The following RABGAP1L variants were observed in gnomAD, a reference collection of about 807,000 sequenced individuals.
RABGAP1L encodes RAB GTPase activating protein 1 like, also known as rab GTPase-activating protein 1-like.
RABGAP1L carries 63 observed loss-of-function variants against 137.7 expected under a neutral mutation model. That is an observed-to-expected ratio of 0.46 (90% CI 0.37 to 0.56). The LOEUF (loss-of-function observed/expected upper bound fraction) is 0.56, where lower values mean the gene tolerates loss of function less well. Ranked by LOEUF, RABGAP1L falls within the 20% of genes least tolerant of loss-of-function variation. RABGAP1L has a pLI of 0.00. For missense variants in RABGAP1L, 1,095 were observed against 1,244.0 expected, an observed-to-expected ratio of 0.88 and a Z score of 1.80; for synonymous variants, 431 against 433.7, an observed-to-expected ratio of 0.99 and a Z score of 0.08.
chr1:174,368,360 T>G (rs1337868358), intron 11 of RABGAP1L, among the ~76,000 whole-genome samples: 2 of 152,226 alleles, frequency 1.3e-5, no homozygotes, highest in African/African-American at 4.8e-5. Flanking sequence ...AGAATAAATT[T>G]GATCAAATGA....
At chr1:174,655,339 A>T (rs2148404328) in intron 14 of RABGAP1L, among the ~76,000 whole-genome samples, 1 of 152,264 alleles carries the variant, frequency 6.6e-6, no homozygotes, top group South Asian at 2.1e-4. Flanking sequence ...TTACTCTTTC[A>T]TTCACTTTCT....
At chr1:174,921,726 A>G (rs1661844964) in intron 19 of RABGAP1L, among the ~76,000 whole-genome samples, 1 of 152,202 alleles carries the variant, frequency 6.6e-6, no homozygotes, top group African/African-American at 2.4e-5. Flanking sequence ...TGTAGCATTT[A>G]CCTTCTGAAC....
intron 13 of RABGAP1L, among the ~76,000 whole-genome samples, chr1:174,484,814 T>C (rs1161311658): frequency 1.3e-5 from 2 of 152,190 alleles, no homozygotes; most frequent in East Asian, 3.8e-4. Flanking sequence ...TCTTTTTGCT[T>C]AGGATAACTT....
intron 11 of RABGAP1L, among the ~76,000 whole-genome samples, chr1:174,357,339 C>A (rs781039762): frequency 1.3e-5 from 2 of 152,182 alleles, no homozygotes; most frequent in Non-Finnish European, 2.9e-5. Flanking sequence ...GTACACAATT[C>A]TTTGTCTTTG....
At chr1:174,695,809 A>T (rs186116450) in intron 15 of RABGAP1L, among the ~76,000 whole-genome samples, 1 of 152,342 alleles carries the variant, frequency 6.6e-6, no homozygotes, top group African/African-American at 2.4e-5. Context: ...CTGAAGCCAT[A>T]TCTGCTTTAG....
chr1:174,664,732 TTC>T lies in RABGAP1L; in HGVS notation c.1825-18788_1825-18787del, dbSNP rs367805438. On this transcript the variant is annotated intron_variant, in intron 14 of 25. Transcript: ENST00000681986. Reference sequence around the variant, plus strand: ...CTCTCTTTCTTTCTTTCTTTCTGCTTTCTTTTTTTTTTTTTTTTTTTTTGACA... The same window carrying T: ...CTCTCTTTCTTTCTTTCTTTCTGCTTTTTTTTTTTTTTTTTTTTTTTGACA... Among the ~76,000 whole-genome samples, 138 of 112,584 alleles carry T rather than the reference TTC, an allele frequency of 1.2e-3. 20 individuals are homozygous for T. Among genetic ancestry groups the T allele is most frequent in the African/African-American group, 9.2e-3 (134 of 14,644 alleles). 73.9% of individuals were successfully genotyped at this position (112,584 alleles called of 152,430 possible). A position where few individuals can be genotyped will look rare whatever the true frequency, so the allele number is the denominator to read the frequency against.
At chr1:174,666,924 C>T (rs1676826587) in intron 14 of RABGAP1L, among the ~76,000 whole-genome samples, 2 of 150,168 alleles carry the variant, frequency 1.3e-5, no homozygotes, top group Non-Finnish European at 2.9e-5. Context: ...GAAACTCCTA[C>T]TGCCCTGTGA....
At chr1:174,295,948 C>T (rs952689257) in intron 10 of RABGAP1L, among the ~76,000 whole-genome samples, 1 of 152,152 alleles carries the variant, frequency 6.6e-6, no homozygotes, top group African/African-American at 2.4e-5. Flanking sequence ...TGATGAAAAG[C>T]AGTAGATGAA....
intron 10 of RABGAP1L, among the ~76,000 whole-genome samples, chr1:174,284,464 A>T (rs1313930878): frequency 1.3e-5 from 2 of 152,186 alleles, no homozygotes; most frequent in African/African-American, 4.8e-5. Flanking sequence ...ATGTGCAAGT[A>T]TGTGTGTATA....
intron 25 of RABGAP1L, among the ~76,000 whole-genome samples, chr1:174,989,285 T>A (rs895891665): frequency 4.6e-5 from 7 of 152,328 alleles, no homozygotes; most frequent in African/African-American, 1.7e-4. Context: ...TTCCCCATTA[T>A]CTTTCTCCAT....
At position 174,568,371 on chromosome 1, in the gene RABGAP1L, C is replaced by T. The variant is rs550433653; in HGVS notation, c.1711-69004C>T. Among the ~76,000 whole-genome samples, 8 of 152,104 alleles carry T rather than the reference C, an allele frequency of 5.3e-5. No individual in the cohort carries two copies. In the South Asian group the frequency reaches 1.0e-3, roughly 20 times the overall value. Reference sequence around the variant, plus strand: ...ATTTGGAGGGAACAAACATATAAACCGTATCAGGATAATAATGATAACATC... The same window carrying T: ...ATTTGGAGGGAACAAACATATAAACTGTATCAGGATAATAATGATAACATC... On this transcript the variant is annotated intron_variant, in intron 13 of 25. Transcript: ENST00000681986.
At chr1:174,683,223 TA>T (rs1678215187) in intron 14 of RABGAP1L, among the ~76,000 whole-genome samples, 2 of 152,106 alleles carry the variant, frequency 1.3e-5, no homozygotes, top group African/African-American at 4.8e-5. Context: ...TGTGGCCTCA[TA>T]CAGCTGATCT....
At chr1:174,492,174 TA>T (rs1373477532) in intron 13 of RABGAP1L, among the ~76,000 whole-genome samples, 2 of 144,304 alleles carry the variant, frequency 1.4e-5, no homozygotes, top group East Asian at 4.0e-4. Flanking sequence ...TATGTCGAAT[TA>T]CTTTTTTTTT....
chr1:174,829,446 C>T lies in RABGAP1L; in HGVS notation c.2340+17486C>T, dbSNP rs184339260. On this transcript the variant is annotated intron_variant, in intron 19 of 25. Coordinates refer to ENST00000681986, the MANE Select transcript of RABGAP1L (RefSeq NM_001366446.1). Reference sequence around the variant, plus strand: ...TTGTGAATTTTCCACCATTCCAGACCGTTAAGACTTAGATAGAAGGTCATC... The same window carrying T: ...TTGTGAATTTTCCACCATTCCAGACTGTTAAGACTTAGATAGAAGGTCATC... Among the ~76,000 whole-genome samples the T allele has an allele frequency of 2.0e-5, 3 of 148,340 alleles. 1 individual carries two copies. Among genetic ancestry groups the T allele is most frequent in the South Asian group, 2.2e-4 (1 of 4,518 alleles).
chr1:174,698,909 G>A (rs912443780), intron 15 of RABGAP1L, among the ~76,000 whole-genome samples: 3 of 152,110 alleles, frequency 2.0e-5, no homozygotes, highest in African/African-American at 2.4e-5. Context: ...GTTGGGGGGT[G>A]TAGGTACCGG....
chr1:174,651,996 G>A (rs547381065), intron 14 of RABGAP1L, among the ~76,000 whole-genome samples: 244 of 152,246 alleles, frequency 1.6e-3, no homozygotes, highest in African/African-American at 4.2e-3. Flanking sequence ...TCCATGTTTA[G>A]CGCTTCCTTC....
intron 1 of RABGAP1L, among the ~76,000 whole-genome samples, chr1:174,190,748 A>G (rs1667155989): frequency 6.6e-6 from 1 of 152,254 alleles, no homozygotes; most frequent in African/African-American, 2.4e-5. Flanking sequence ...GACCGGTACA[A>G]GAGGCCCAGC....
chr1:174,974,141 A>C (rs1321850797), intron 21 of RABGAP1L, among the ~76,000 whole-genome samples: 2 of 151,994 alleles, frequency 1.3e-5, no homozygotes, highest in Non-Finnish European at 2.9e-5. Context: ...GGCACCTGCC[A>C]CCATGCCCGG....
chr1:174,634,709 A>C (rs1311422392), intron 13 of RABGAP1L, among the ~76,000 whole-genome samples: 1 of 134,706 alleles, frequency 7.4e-6, no homozygotes, highest in African/African-American at 3.2e-5. Context: ...AGCCATAAAA[A>C]ATGATGAGTT....
Sources: allele counts gnomAD v4.1 joint callset (sites outside exome capture counted in the v4.1 genomes callset), GRCh38; gene constraint gnomAD v4.1.1; transcripts MANE v1.5; gene names NCBI Gene and HGNC (gene_info 2026-07-23, HGNC 2026-07-21).